The following DIAPH2 variants were observed in gnomAD, a reference collection of about 807,000 sequenced individuals.
DIAPH2 encodes the protein diaphanous related formin 2.
In DIAPH2, 35 loss-of-function variants were observed where a neutral mutation model predicts 92.7. The ratio of observed to expected loss-of-function variants is 0.38; its 90% CI spans 0.29 to 0.50. The LOEUF (loss-of-function observed/expected upper bound fraction) is 0.50, where lower values mean the gene tolerates loss of function less well. DIAPH2 is among the 20% of genes least tolerant of loss of function. The pLI is 0.94. For synonymous variants in DIAPH2, 301 were observed against 280.4 expected, an observed-to-expected ratio of 1.07 and a Z score of -0.73; for missense variants, 701 against 819.5, an observed-to-expected ratio of 0.86 and a Z score of 1.77.
chrX:97,597,873 G>GA (rs749337027), intron 26 of DIAPH2, among the ~76,000 whole-genome samples: 3 of 111,563 alleles, frequency 2.7e-5, no homozygotes, highest in Non-Finnish European at 5.6e-5. Flanking sequence ...TCTGAGTAGA[G>GA]AAAATGCCTC....
intron 5 of DIAPH2, among the ~76,000 whole-genome samples, chrX:96,899,130 G>C (rs375651827): frequency 1.3e-4 from 14 of 110,281 alleles, no homozygotes; most frequent in South Asian, 1.2e-3. Context: ...GTTACTGTAG[G>C]CTTGTAGTAT....
intron 17 of DIAPH2, among the ~76,000 whole-genome samples, chrX:97,051,279 A>T (rs1413231865): frequency 9.0e-6 from 1 of 111,047 alleles, no homozygotes; most frequent in Non-Finnish European, 1.9e-5. Context: ...TCTTTTATGA[A>T]CAAGGCTGTA....
chrX:97,355,719 A>C (rs771703699), intron 24 of DIAPH2, among the ~76,000 whole-genome samples: 1 of 111,237 alleles, frequency 9.0e-6, no homozygotes, highest in African/African-American at 3.3e-5. Context: ...TAGTAACAGT[A>C]ATCCAAATAT....
Position 96,885,829 on chromosome X carries a change from G to A in DIAPH2, c.587+4111G>A, listed in dbSNP as rs192789307. 6.1e-3 allele frequency among the ~76,000 whole-genome samples: 677 copies of A among 111,542 alleles called. 10 individuals are homozygous for A. Among genetic ancestry groups the A allele is most frequent in the African/African-American group, 0.021 (643 of 30,779 alleles). ...AGTTGTATGGTAAATGGATGCCAGA[G>A]TTTCTGTAAGTTTGATGTGCTGGTG... On this transcript the variant is annotated intron_variant, in intron 5 of 26. Coordinates refer to ENST00000324765, the MANE Select transcript of DIAPH2 (RefSeq NM_006729.5).
At chrX:96,718,867 C>T (rs1279898200) in intron 1 of DIAPH2, among the ~76,000 whole-genome samples, 1 of 111,449 alleles carries the variant, frequency 9.0e-6, no homozygotes, top group Admixed American at 9.5e-5. Flanking sequence ...AATTATTCTC[C>T]GTAGCGGTTG....
At chrX:97,297,892 C>G (rs559739683) in intron 23 of DIAPH2, among the ~76,000 whole-genome samples, 37 of 110,491 alleles carry the variant, frequency 3.3e-4, no homozygotes, top group African/African-American at 1.1e-3. Flanking sequence ...ACAGTTACCC[C>G]CTCCATAATA....
rs771204997 is a variant in DIAPH2 at position 97,000,205 on chromosome X, A to G, written c.2050+34998A>G. ...TGGAAGAGAATAGGGTTAATGACAA[A>G]CAAAAGAAAAAGACGCAGGCATTGG... On this transcript the variant is annotated intron_variant, in intron 17 of 26. Coordinates refer to ENST00000324765, the MANE Select transcript of DIAPH2 (RefSeq NM_006729.5). 2.6e-4 allele frequency among the ~76,000 whole-genome samples: 29 copies of G among 112,284 alleles called. 1 individual carries two copies. The highest frequency in any genetic ancestry group is 8.7e-4 in the African/African-American group (27 of 30,948).
At chrX:97,100,414 G>A (rs965360715) in intron 20 of DIAPH2, among the ~76,000 whole-genome samples, 1 of 110,994 alleles carries the variant, frequency 9.0e-6, no homozygotes, top group African/African-American at 3.3e-5. Flanking sequence ...GGGTACAAAG[G>A]ATGAATAAGT....
intron 26 of DIAPH2, among the ~76,000 whole-genome samples, chrX:97,568,035 G>C (rs1460709436): frequency 1.0e-5 from 1 of 95,722 alleles, no homozygotes; most frequent in African/African-American, 3.9e-5. Flanking sequence ...AGAATCGCTT[G>C]AACCTGGGAG....
At chrX:96,824,599 A>G (rs2064800972) in intron 4 of DIAPH2, among the ~76,000 whole-genome samples, 1 of 111,854 alleles carries the variant, frequency 8.9e-6, no homozygotes, top group South Asian at 3.7e-4. Context: ...CAATTTATCT[A>G]CAGATGTTCA....
intron 5 of DIAPH2, among the ~76,000 whole-genome samples, chrX:96,910,199 C>G (rs1055128887): frequency 2.7e-5 from 3 of 110,584 alleles, no homozygotes; most frequent in South Asian, 3.9e-4. Context: ...CCCTTTATCC[C>G]TCTACCACCA....
chrX:97,537,012 A>G (rs1392815456), intron 26 of DIAPH2, among the ~76,000 whole-genome samples: 1 of 111,731 alleles, frequency 9.0e-6, no homozygotes, highest in Non-Finnish European at 1.9e-5. Flanking sequence ...CTATATATTC[A>G]TATTTCACAA....
At chrX:97,187,546 G>A (rs960383864) in intron 22 of DIAPH2, among the ~76,000 whole-genome samples, 2 of 109,765 alleles carry the variant, frequency 1.8e-5, no homozygotes, top group African/African-American at 6.6e-5. Flanking sequence ...AAAGTGCTGG[G>A]ATTACAGGCG....
At chrX:96,784,360 C>T (rs1028165769) in intron 4 of DIAPH2, among the ~76,000 whole-genome samples, 2 of 111,842 alleles carry the variant, frequency 1.8e-5, no homozygotes, top group Non-Finnish European at 3.8e-5. Flanking sequence ...AATCAAGAAA[C>T]ATTCTGGCCT....
chrX:97,171,773 T>C (rs1471319094), intron 22 of DIAPH2, among the ~76,000 whole-genome samples: 3 of 111,062 alleles, frequency 2.7e-5, no homozygotes, highest in Admixed American at 9.6e-5. Flanking sequence ...ACCCCGTCTC[T>C]ACTAAAAATA....
At chrX:97,507,141 C>CAAAAAAAAAAAAAA (rs397896097) in intron 26 of DIAPH2, among the ~76,000 whole-genome samples, 19 of 31,122 alleles carry the variant, frequency 6.1e-4, no homozygotes, top group Admixed American at 1.6e-3. Context: ...ACAAAACCGA[C>CAAAAAAAAAAAAAA]AAAAAAAAAA....
chrX:97,453,162 C>G (rs2070373133), intron 26 of DIAPH2, among the ~76,000 whole-genome samples: 1 of 110,734 alleles, frequency 9.0e-6, no homozygotes, highest in African/African-American at 3.3e-5. Context: ...ACTACTTTTC[C>G]ACCTAAATTT....
chrX:97,092,473 A>C (rs773099225), intron 19 of DIAPH2, among the ~76,000 whole-genome samples: 2 of 112,420 alleles, frequency 1.8e-5, no homozygotes, highest in Admixed American at 1.9e-4. Flanking sequence ...TTAAAGAAAA[A>C]AGTGTTAGCT....
intron 4 of DIAPH2, among the ~76,000 whole-genome samples, chrX:96,783,681 C>T (rs768564523): frequency 8.9e-6 from 1 of 112,351 alleles, no homozygotes; most frequent in South Asian, 3.7e-4. Flanking sequence ...GAAGCCTACT[C>T]ACCCTCCTCC....
Sources: gnomAD v4.1 joint callset for allele counts (sites outside exome capture counted in the v4.1 genomes callset) on GRCh38, gnomAD v4.1.1 for gene constraint, MANE v1.5 for transcripts, NCBI Gene and HGNC (gene_info 2026-07-23, HGNC 2026-07-21) for gene names.